The following HBS1L variants were observed in gnomAD, a reference collection of about 807,000 sequenced individuals.
HBS1L encodes the protein HBS1 like translational GTPase.
Under a neutral mutation model 88.9 loss-of-function variants are expected in HBS1L, and 55 were observed. That is an observed-to-expected ratio of 0.62 (90% confidence interval 0.50 to 0.77). The LOEUF (loss-of-function observed/expected upper bound fraction) is 0.77, where lower values mean the gene tolerates loss of function less well. Among genes scored for constraint, HBS1L ranks in the 30% least tolerant of loss-of-function variants. The probability of loss-of-function intolerance (pLI) is 0.00; values close to 1 mark genes in which losing one functional copy is unlikely to be tolerated. For missense variants in HBS1L, 741 were observed against 829.3 expected (o/e 0.89, Z 1.31); for synonymous variants, 267 against 288.5 (o/e 0.93, Z 0.76).
intron 4 of HBS1L, among the ~76,000 whole-genome samples, chr6:135,004,222 G>C (rs1367769048): frequency 6.7e-6 from 1 of 148,572 alleles, no homozygotes; most frequent in African/African-American, 2.5e-5. Flanking sequence ...CTTGCTCTAA[G>C]AGCGATTACA....
intron 15 of HBS1L, among the ~76,000 whole-genome samples, chr6:134,972,187 A>T (rs1774510085): frequency 6.6e-6 from 1 of 152,154 alleles, no homozygotes; most frequent in Non-Finnish European, 1.5e-5. Context: ...GGGTTATGAG[A>T]ATCAAATTAT....
chr6:134,991,739 T>C (rs199958458), intron 8 of HBS1L, among the ~76,000 whole-genome samples: 1 of 152,214 alleles, frequency 6.6e-6, no homozygotes, highest in Non-Finnish European at 1.5e-5. Context: ...AATGTATTCA[T>C]ACAATATCCT....
In HBS1L at chr6:134,988,457, C is replaced by CA. The variant is rs1328127770; in HGVS notation, c.1084-667dup. ...TAGAATCTTTACCAAAAAAAAAAAA[C>CA]ATAAAAAACCCCAAAACAAAGCAAG... On this transcript the variant is annotated intron_variant, in intron 8 of 17. Coordinates refer to ENST00000367837, the MANE Select transcript of HBS1L (RefSeq NM_006620.4). 5.0e-4 allele frequency among the ~76,000 whole-genome samples: 69 copies of CA among 138,074 alleles called. No homozygotes were observed. In the East Asian group the frequency reaches 0.014, roughly 27 times the overall value. The allele number at this position is 138,074 out of a possible 152,430, so 90.6% of individuals were successfully genotyped here.
intron 4 of HBS1L, among the ~76,000 whole-genome samples, chr6:135,007,753 G>A (rs922402483): frequency 6.6e-6 from 1 of 152,144 alleles, no homozygotes; most frequent in African/African-American, 2.4e-5. Flanking sequence ...AATGTAAAAT[G>A]TTTACTGTGT....
rs1392509891 is a variant in HBS1L at position 134,961,043 on chromosome 6, TTTC to T, written c.*4233_*4235del. ...ATCACAACCTTTGTCTTCATTTAAT[TTTC>T]TTGTTTCCTTTCCATCTTTTGCTGT... On this transcript the variant is annotated 3_prime_UTR_variant, in exon 18 of 18. Coordinates refer to ENST00000367837, the MANE Select transcript of HBS1L (RefSeq NM_006620.4). The T allele has an allele frequency of 6.6e-6, 1 of 151,702 alleles. No individual in the cohort carries two copies. Among genetic ancestry groups the T allele is most frequent in the Non-Finnish European group, 1.5e-5 (1 of 67,932 alleles). The allele number at this position is 151,702 out of a possible 1,614,324, so 9.4% of individuals were successfully genotyped here.
intron 4 of HBS1L, among the ~76,000 whole-genome samples, chr6:135,034,651 C>T (rs1776481698): frequency 6.6e-6 from 1 of 152,048 alleles, no homozygotes; most frequent in Non-Finnish European, 1.5e-5. Flanking sequence ...CTCAAAAAAA[C>T]TAATAAAATA....
chr6:135,050,337 G>A (rs1777042637), intron 2 of HBS1L, among the ~76,000 whole-genome samples: 1 of 152,172 alleles, frequency 6.6e-6, no homozygotes, highest in Non-Finnish European at 1.5e-5. Flanking sequence ...ACTGCATGAT[G>A]CAAAGTATGG....
chr6:134,967,890 A>G lies in HBS1L; in HGVS notation c.1898+1348T>C, dbSNP rs564511012. On this transcript the variant is annotated intron_variant, in intron 16 of 17. Coordinates refer to ENST00000367837, the MANE Select transcript of HBS1L (RefSeq NM_006620.4). Reference sequence around the variant, plus strand: ...TAGTGGTCCTCAAGAAATGTTAGTCATATAGTTATATCGTGTTTCTCAGAA... The same window carrying G: ...TAGTGGTCCTCAAGAAATGTTAGTCGTATAGTTATATCGTGTTTCTCAGAA... 5.9e-5 allele frequency among the ~76,000 whole-genome samples: 9 copies of G among 152,358 alleles called. No homozygotes were observed. The South Asian group carries it at 1.9e-3, about 32-fold the overall frequency.
At chr6:135,031,438 C>A (rs925366423) in intron 4 of HBS1L, among the ~76,000 whole-genome samples, 1 of 152,012 alleles carries the variant, frequency 6.6e-6, no homozygotes, top group Non-Finnish European at 1.5e-5. Flanking sequence ...TATGTGCACA[C>A]ACACATACAT....
chr6:134,979,137 A>G (rs374411595), intron 14 of HBS1L, 41 bp downstream of exon 14: 3 of 1,416,198 alleles, frequency 2.1e-6, no homozygotes, highest in South Asian at 1.2e-5. Context: ...GTGAGGTCCT[A>G]TATGAAGACA....
chr6:134,965,078 A>G lies in HBS1L; in HGVS notation c.*201T>C. 1 of 584,580 alleles carries G rather than the reference A, an allele frequency of 1.7e-6. No individual in the cohort carries two copies. The highest frequency in any genetic ancestry group is 3.0e-6 in the Non-Finnish European group (1 of 332,718). 36.2% of individuals were successfully genotyped at this position (584,580 alleles called of 1,614,324 possible). On this transcript the variant is annotated 3_prime_UTR_variant, in exon 18 of 18. Transcript: ENST00000367837. ...AAGGCAAAGTTGTTTTTAACATTAGACTTTCTTTGCCAGTTGGCAACTTAG... is the reference window on the plus strand; with the variant it reads ...AAGGCAAAGTTGTTTTTAACATTAGGCTTTCTTTGCCAGTTGGCAACTTAG...
chr6:135,016,401 G>A lies in HBS1L; in HGVS notation c.431-13559C>T, dbSNP rs138745840. ...TCTGCTTAACAAAGAGAAAGTTTCC[G>A]TTTACTACAATTTTTACTTCCAATG... On this transcript the variant is annotated intron_variant, in intron 4 of 17. Coordinates refer to ENST00000367837, the MANE Select transcript of HBS1L (RefSeq NM_006620.4). Among the ~76,000 whole-genome samples the A allele has an allele frequency of 1.4e-4, 21 of 152,210 alleles. No homozygotes were observed. The East Asian group carries it at 3.5e-3, about 25-fold the overall frequency.
intron 15 of HBS1L, among the ~76,000 whole-genome samples, chr6:134,974,842 A>G (rs1774597338): frequency 6.6e-6 from 1 of 152,172 alleles, no homozygotes; most frequent in Non-Finnish European, 1.5e-5. Context: ...TCCCCCTAAG[A>G]ACTGAAACAA....
In HBS1L at chr6:135,045,946, G is replaced by A. The variant is rs1245045668; in HGVS notation, c.110-3820C>T. Among the ~76,000 whole-genome samples, 3 of 152,116 alleles carry A rather than the reference G, an allele frequency of 2.0e-5. No individual in the cohort carries two copies. The East Asian group carries it at 5.8e-4, about 29-fold the overall frequency. ...TTCTGGCCCACCTATACGCCACTTT[G>A]TGGACCATGATCAGTTATCTGCACA... On this transcript the variant is annotated intron_variant, in intron 2 of 17. Coordinates refer to ENST00000367837, the MANE Select transcript of HBS1L (RefSeq NM_006620.4).
chr6:134,990,600 G>T (rs1011807328), intron 8 of HBS1L, among the ~76,000 whole-genome samples: 54 of 152,184 alleles, frequency 3.5e-4, no homozygotes, highest in Non-Finnish European at 7.5e-4. Context: ...TTGAGGCAGG[G>T]TCTCACTCCC....
chr6:135,053,994 AC>A (rs1777165733), intron 1 of HBS1L, among the ~76,000 whole-genome samples: 2 of 152,238 alleles, frequency 1.3e-5, no homozygotes, highest in African/African-American at 2.4e-5. Context: ...ATTTCAAAAT[AC>A]ATTTATATCA....
chr6:134,982,259 T>C (rs1190623664), intron 13 of HBS1L, 199 bp downstream of exon 13: 16 of 540,986 alleles, frequency 3.0e-5, no homozygotes, highest in Non-Finnish European at 9.9e-6. Flanking sequence ...TATGTACATA[T>C]ATATACAGAC....
intron 4 of HBS1L, among the ~76,000 whole-genome samples, chr6:135,003,848 G>C (rs182453404): frequency 6.6e-6 from 1 of 152,242 alleles, no homozygotes; most frequent in Non-Finnish European, 1.5e-5. Context: ...CTAGGCGACA[G>C]AGTGAGACTC....
chr6:135,041,688 CAATT>C (rs1384082466), intron 3 of HBS1L, among the ~76,000 whole-genome samples: 2 of 151,958 alleles, frequency 1.3e-5, no homozygotes, highest in Admixed American at 6.6e-5. Context: ...GCTTATGAAA[CAATT>C]AAATCATCTG....
Sources: gnomAD v4.1 joint callset for allele counts (sites outside exome capture counted in the v4.1 genomes callset) on GRCh38, gnomAD v4.1.1 for gene constraint, MANE v1.5 for transcripts, NCBI Gene and HGNC (gene_info 2026-07-23, HGNC 2026-07-21) for gene names.